The following CMSS1 variants were observed in gnomAD, a reference collection of about 807,000 sequenced individuals.
CMSS1 encodes the protein protein CMSS1.
A neutral mutation model predicts 43.5 loss-of-function variants in CMSS1; 33 were observed. That is an observed-to-expected ratio of 0.76 (90% confidence interval 0.57 to 1.01). The LOEUF (loss-of-function observed/expected upper bound fraction) is 1.01. CMSS1 is among the 50% of genes least tolerant of loss of function. CMSS1 has a pLI of 0.00. For synonymous variants in CMSS1, 115 were observed against 117.2 expected, an observed-to-expected ratio of 0.98 and a Z score of 0.12; for missense variants, 313 against 326.4, an observed-to-expected ratio of 0.96 and a Z score of 0.32.
At chr3:100,054,228 T>C (rs148711170) in intron 1 of CMSS1, among the ~76,000 whole-genome samples, 89 of 152,326 alleles carry the variant, frequency 5.8e-4, no homozygotes, top group African/African-American at 2.1e-3. Flanking sequence ...AGACATCACA[T>C]TCCCCCTTCC....
chr3:99,979,904 G>A (rs1241279731), intron 1 of CMSS1, among the ~76,000 whole-genome samples: 1 of 152,200 alleles, frequency 6.6e-6, no homozygotes, highest in Non-Finnish European at 1.5e-5. Context: ...GCGGGACAAA[G>A]TGCTGTGAAG....
chr3:99,951,032 C>G (rs917094341), intron 1 of CMSS1, among the ~76,000 whole-genome samples: 4 of 152,098 alleles, frequency 2.6e-5, no homozygotes, highest in Non-Finnish European at 5.9e-5. Flanking sequence ...CACCTCATGC[C>G]CCTCCCTTTG....
At chr3:99,928,831 G>A (rs1042533755) in intron 1 of CMSS1, among the ~76,000 whole-genome samples, 1 of 152,284 alleles carries the variant, frequency 6.6e-6, no homozygotes, top group East Asian at 1.9e-4. Context: ...TGCAGCTCTG[G>A]TTCCTTTTGT....
intron 1 of CMSS1, among the ~76,000 whole-genome samples, chr3:99,959,929 T>C (rs1481950165): frequency 6.6e-6 from 1 of 152,150 alleles, no homozygotes; most frequent in Admixed American, 6.5e-5. Flanking sequence ...AGGAGATGCA[T>C]TCAATGCATT....
At chr3:99,980,637 T>A (rs1344310409) in intron 1 of CMSS1, among the ~76,000 whole-genome samples, 1 of 152,192 alleles carries the variant, frequency 6.6e-6, no homozygotes, top group Non-Finnish European at 1.5e-5. Context: ...GAATAAGGAA[T>A]TGAGGGCTTA....
At position 100,162,402 on chromosome 3, in the gene CMSS1, G is replaced by A; in HGVS notation, c.325G>A (p.Val109Met). ...MKDYYSSRRL[V>M]IELEELNLPD... ...GGACTATTATAGCAGCAGACGCTTGGTGATTGAATTAGAAGAACTGAACCT... is the reference window on the plus strand; with the variant it reads ...GGACTATTATAGCAGCAGACGCTTGATGATTGAATTAGAAGAACTGAACCT... Residue 109 changes from valine (V) to methionine (M), a missense_variant, in exon 4 of 10, where the codon GTG becomes ATG. Physicochemically the swap from Val to Met is conservative, Grantham distance 21. Transcript: ENST00000421999. 10 of 1,613,120 alleles carry A rather than the reference G, an allele frequency of 6.2e-6. No individual in the cohort carries two copies. The highest frequency in any genetic ancestry group is 8.5e-6 in the Non-Finnish European group (10 of 1,179,322).
chr3:99,994,475 A>G (rs370703524), intron 1 of CMSS1, among the ~76,000 whole-genome samples: 5 of 152,250 alleles, frequency 3.3e-5, no homozygotes, highest in Non-Finnish European at 4.4e-5. Flanking sequence ...GGTCGATCAC[A>G]TGTTAGGCCA....
At chr3:100,101,525 C>A (rs772919058) in intron 1 of CMSS1, among the ~76,000 whole-genome samples, 51 of 152,114 alleles carry the variant, frequency 3.4e-4, no homozygotes, top group Non-Finnish European at 6.5e-4. Context: ...CATTGGAATT[C>A]TTGATTGTGG....
At chr3:100,083,079 G>A (rs563655162) in intron 1 of CMSS1, among the ~76,000 whole-genome samples, 5 of 152,192 alleles carry the variant, frequency 3.3e-5, no homozygotes, top group Admixed American at 1.3e-4. Context: ...CAATTTCCAG[G>A]TCTAAATAAA....
intron 1 of CMSS1, among the ~76,000 whole-genome samples, chr3:100,078,453 A>G (rs1271854699): frequency 6.6e-6 from 1 of 152,218 alleles, no homozygotes; most frequent in Non-Finnish European, 1.5e-5. Flanking sequence ...TCCAAAATGT[A>G]GTCGTTTAAA....
chr3:100,071,293 G>A (rs903848581), intron 1 of CMSS1, among the ~76,000 whole-genome samples: 1 of 152,064 alleles, frequency 6.6e-6, no homozygotes, highest in African/African-American at 2.4e-5. Flanking sequence ...GGGTAAGATG[G>A]AGAAACTTGT....
chr3:99,861,836 A>C (rs1944274737), intron 1 of CMSS1, among the ~76,000 whole-genome samples: 1 of 152,190 alleles, frequency 6.6e-6, no homozygotes, highest in East Asian at 1.9e-4. Context: ...CAGTTTTTGC[A>C]GCTGAATCCC....
chr3:99,872,124 G>A (rs1293548357), intron 1 of CMSS1, among the ~76,000 whole-genome samples: 1 of 152,020 alleles, frequency 6.6e-6, no homozygotes, highest in Non-Finnish European at 1.5e-5. Context: ...AATGCAGGGG[G>A]CCCTGGCCCT....
At chr3:99,984,062 G>GTGTGTGTGTGTGTGTT (rs1553702843) in intron 1 of CMSS1, among the ~76,000 whole-genome samples, 8 of 151,618 alleles carry the variant, frequency 5.3e-5, no homozygotes, top group African/African-American at 1.9e-4. Flanking sequence ...ATGTGTGTTT[G>GTGTGTGTGTGTGTGTT]TGTGTGTGTG....
intron 1 of CMSS1, among the ~76,000 whole-genome samples, chr3:99,986,494 G>A (rs1302297811): frequency 1.3e-5 from 2 of 152,182 alleles, no homozygotes; most frequent in African/African-American, 4.8e-5. Context: ...AGTTGATAGT[G>A]AAAGAAATAG....
chr3:100,060,633 T>TA (rs2065547198), intron 1 of CMSS1, among the ~76,000 whole-genome samples: 1 of 152,034 alleles, frequency 6.6e-6, no homozygotes, highest in South Asian at 2.1e-4. Context: ...AGCAGACAGA[T>TA]ACCTTGAGCT....
intron 1 of CMSS1, among the ~76,000 whole-genome samples, chr3:100,068,543 G>T (rs888072793): frequency 6.6e-6 from 1 of 152,168 alleles, no homozygotes; most frequent in African/African-American, 2.4e-5. Flanking sequence ...TGCTGCCAAA[G>T]AACCCACTGC....
chr3:99,901,742 TG>T (rs1706444747), intron 1 of CMSS1, among the ~76,000 whole-genome samples: 1 of 152,166 alleles, frequency 6.6e-6, no homozygotes, highest in African/African-American at 2.4e-5. Flanking sequence ...ATGTAAGTAA[TG>T]GGTAAGGTAT....
At position 100,132,466 on chromosome 3, in the gene CMSS1, G is replaced by T. The variant is rs186039032; in HGVS notation, c.65-14507G>T. On this transcript the variant is annotated intron_variant, in intron 1 of 9. Transcript: ENST00000421999. ...TAAAATTAATAGAGCCATAAAAGTT[G>T]ATAAGCAAAACATTAAAACTTTCCT... Among the ~76,000 whole-genome samples, 632 of 152,134 alleles carry T rather than the reference G, an allele frequency of 4.2e-3. 3 individuals are homozygous for T. Among genetic ancestry groups the T allele is most frequent in the Non-Finnish European group, 7.5e-3 (509 of 67,990 alleles).
Sources: gnomAD v4.1 joint callset for allele counts (sites outside exome capture counted in the v4.1 genomes callset) on GRCh38, gnomAD v4.1.1 for gene constraint, MANE v1.5 for transcripts, NCBI Gene and HGNC (gene_info 2026-07-23, HGNC 2026-07-21) for gene names.